Variants in GRID2 observed in about 807,000 individuals in gnomAD.
GRID2 encodes glutamate receptor ionotropic, delta-2.
GRID2 carries 33 observed loss-of-function variants against 114.8 expected under a neutral mutation model. The observed-to-expected ratio is 0.29, with a 90% CI of 0.22 to 0.38. The LOEUF (loss-of-function observed/expected upper bound fraction) is 0.38. Ranked by LOEUF, GRID2 falls within the 10% of genes least tolerant of loss-of-function variation. GRID2 has a pLI of 1.00. For missense variants in GRID2, 1,184 were observed against 1,257.7 expected, an observed-to-expected ratio of 0.94 and a Z score of 0.89; for synonymous variants, 505 against 449.9, an observed-to-expected ratio of 1.12 and a Z score of -1.55.
At chr4:93,673,760 G>T (rs1422051267) in intron 14 of GRID2, among the ~76,000 whole-genome samples, 2 of 152,110 alleles carry the variant, frequency 1.3e-5, no homozygotes, top group Non-Finnish European at 2.9e-5. Context: ...ACTGTCCCCA[G>T]GGGTTGTAAA....
chr4:93,500,018 G>C (rs974230045), intron 12 of GRID2, among the ~76,000 whole-genome samples: 5 of 151,832 alleles, frequency 3.3e-5, no homozygotes, highest in African/African-American at 1.2e-4. Context: ...CATCCATAAG[G>C]GTTACTATAA....
chr4:92,906,174 G>C (rs1578433294), intron 2 of GRID2, among the ~76,000 whole-genome samples: 1 of 152,102 alleles, frequency 6.6e-6, no homozygotes, highest in Non-Finnish European at 1.5e-5. Flanking sequence ...GTGACAATTT[G>C]ATTATTCAAA....
chr4:93,656,144 ATAAT>A (rs1722971229), intron 14 of GRID2, among the ~76,000 whole-genome samples: 1 of 151,946 alleles, frequency 6.6e-6, no homozygotes, highest in African/African-American at 2.4e-5. Context: ...AATAATAAAA[ATAAT>A]TGATTCTAGG....
At chr4:93,093,112 G>A (rs560258830) in intron 3 of GRID2, among the ~76,000 whole-genome samples, 90 of 152,182 alleles carry the variant, frequency 5.9e-4, no homozygotes, top group African/African-American at 2.1e-3. Context: ...AGGAGGTAAA[G>A]TCTTCTAAAG....
intron 13 of GRID2, among the ~76,000 whole-genome samples, chr4:93,597,657 A>G (rs1739236673): frequency 6.6e-6 from 1 of 152,106 alleles, no homozygotes. Context: ...TCCTTATCTC[A>G]AAACCCAGAA....
At chr4:93,688,824 T>C (rs944315965) in intron 14 of GRID2, among the ~76,000 whole-genome samples, 15 of 152,078 alleles carry the variant, frequency 9.9e-5, no homozygotes, top group African/African-American at 2.9e-4. Context: ...CATGATCTTA[T>C]AGCAAGTTAG....
chr4:93,577,113 T>C (rs1337626254), intron 13 of GRID2, among the ~76,000 whole-genome samples: 1 of 151,974 alleles, frequency 6.6e-6, no homozygotes, highest in Non-Finnish European at 1.5e-5. Context: ...AGACAAAGAG[T>C]CTGCCATTTC....
chr4:92,801,736 C>T (rs1048113533), intron 2 of GRID2, among the ~76,000 whole-genome samples: 7 of 151,710 alleles, frequency 4.6e-5, no homozygotes, highest in Non-Finnish European at 1.0e-4. Context: ...CTAACACAAA[C>T]AGTGCAATGC....
chr4:93,335,514 C>T (rs1170033499), intron 8 of GRID2, among the ~76,000 whole-genome samples: 3 of 152,092 alleles, frequency 2.0e-5, no homozygotes, highest in Non-Finnish European at 4.4e-5. Context: ...CTTATTTGGG[C>T]ACAGGCAATA....
Position 93,510,059 on chromosome 4 carries a change from T to G in GRID2, c.1998-5157T>G, listed in dbSNP as rs548652538. Among the ~76,000 whole-genome samples the G allele has an allele frequency of 7.2e-5, 11 of 152,258 alleles. No individual in the cohort carries two copies. In the South Asian group the frequency reaches 1.9e-3, roughly 26 times the overall value. On this transcript the variant is annotated intron_variant, in intron 12 of 15. Coordinates refer to ENST00000282020, the MANE Select transcript of GRID2 (RefSeq NM_001510.4). ...AACCTAAACTGAGTTGGAGGATGCT[T>G]GTCATATACCCCTATTTGTCTCTTT...
At chr4:93,167,368 A>C (rs966216888) in intron 4 of GRID2, among the ~76,000 whole-genome samples, 2 of 152,030 alleles carry the variant, frequency 1.3e-5, no homozygotes, top group African/African-American at 4.8e-5. Context: ...TTTTATTTTG[A>C]CTTCAACAAC....
chr4:92,942,962 G>A (rs568305823), intron 2 of GRID2, among the ~76,000 whole-genome samples: 17 of 152,210 alleles, frequency 1.1e-4, no homozygotes, highest in South Asian at 6.2e-4. Flanking sequence ...TGGGCTTCCC[G>A]TTGTGGGTAA....
chr4:92,319,865 C>T (rs1726214438), intron 1 of GRID2, among the ~76,000 whole-genome samples: 1 of 152,120 alleles, frequency 6.6e-6, no homozygotes, highest in African/African-American at 2.4e-5. Flanking sequence ...ACAATAGCTC[C>T]CACCTTGGCT....
At chr4:93,267,600 C>T (rs1173823494) in intron 8 of GRID2, among the ~76,000 whole-genome samples, 1 of 152,184 alleles carries the variant, frequency 6.6e-6, no homozygotes, top group African/African-American at 2.4e-5. Context: ...TGCCTTCAGA[C>T]CACGTAACTG....
chr4:92,754,252 G>T (rs575073176), intron 2 of GRID2, among the ~76,000 whole-genome samples: 1 of 152,240 alleles, frequency 6.6e-6, no homozygotes, highest in East Asian at 1.9e-4. Context: ...ACTATCTGTG[G>T]AAGAACAGTT....
intron 2 of GRID2, among the ~76,000 whole-genome samples, chr4:92,864,620 G>A (rs1161314042): frequency 6.6e-6 from 1 of 152,070 alleles, no homozygotes; most frequent in Non-Finnish European, 1.5e-5. Context: ...ACACCCTATT[G>A]CCTTTTGTAG....
chr4:92,503,571 T>C (rs1055710746), intron 1 of GRID2, among the ~76,000 whole-genome samples: 1 of 152,172 alleles, frequency 6.6e-6, no homozygotes, highest in African/African-American at 2.4e-5. Flanking sequence ...ATGATCCTTA[T>C]AGCTGTGCTT....
chr4:92,542,402 G>A (rs1726010848), intron 1 of GRID2, among the ~76,000 whole-genome samples: 1 of 152,116 alleles, frequency 6.6e-6, no homozygotes, highest in Admixed American at 6.6e-5. Flanking sequence ...TGAAAAGATG[G>A]TTAAAGTTAA....
intron 2 of GRID2, among the ~76,000 whole-genome samples, chr4:92,713,496 T>C (rs981116530): frequency 7.8e-6 from 1 of 128,332 alleles, no homozygotes; most frequent in South Asian, 2.5e-4. Context: ...TATATATATA[T>C]ATATATATAT....
Sources: allele counts gnomAD v4.1 joint callset (sites outside exome capture counted in the v4.1 genomes callset), GRCh38; gene constraint gnomAD v4.1.1; transcripts MANE v1.5; gene names NCBI Gene and HGNC (gene_info 2026-07-23, HGNC 2026-07-21).